The following PARD3B variants were observed in gnomAD, a reference collection of about 807,000 sequenced individuals.
PARD3B encodes partitioning defective 3 homolog B.
In PARD3B, 103 loss-of-function variants were observed where a neutral mutation model predicts 130.2. That is an observed-to-expected ratio of 0.79 (90% CI 0.67 to 0.93). The LOEUF (loss-of-function observed/expected upper bound fraction) is 0.93, where lower values mean the gene tolerates loss of function less well. PARD3B is among the 40% of genes least tolerant of loss of function. PARD3B has a pLI of 0.00. For synonymous variants in PARD3B, 583 were observed against 553.2 expected, an observed-to-expected ratio of 1.05 and a Z score of -0.76; for missense variants, 1,609 against 1,499.2, an observed-to-expected ratio of 1.07 and a Z score of -1.21.
chr2:204,682,902 C>G (rs953687585), intron 1 of PARD3B, among the ~76,000 whole-genome samples: 5 of 152,096 alleles, frequency 3.3e-5, no homozygotes, highest in African/African-American at 4.8e-5. Context: ...TTTTCTAATG[C>G]ATAAGGTAAA....
intron 21 of PARD3B, among the ~76,000 whole-genome samples, chr2:205,516,563 CT>C (rs2050799777): frequency 6.6e-6 from 1 of 152,096 alleles, no homozygotes; most frequent in Admixed American, 6.6e-5. Flanking sequence ...TCTGATTTGG[CT>C]CTCATCTTAG....
chr2:205,072,609 C>CTATGGT (rs1361452635), intron 4 of PARD3B, among the ~76,000 whole-genome samples: 6 of 152,098 alleles, frequency 3.9e-5, no homozygotes, highest in Non-Finnish European at 7.4e-5. Flanking sequence ...TGGTTCACAA[C>CTATGGT]TATGGTACAG....
chr2:204,621,539 A>G (rs1303382092), intron 1 of PARD3B, among the ~76,000 whole-genome samples: 1 of 152,216 alleles, frequency 6.6e-6, no homozygotes, highest in Non-Finnish European at 1.5e-5. Context: ...AAAATATTCT[A>G]ATATATCAGT....
chr2:205,023,959 G>T (rs1033513134), intron 3 of PARD3B, among the ~76,000 whole-genome samples: 1 of 151,938 alleles, frequency 6.6e-6, no homozygotes, highest in Non-Finnish European at 1.5e-5. Context: ...CATATACTAG[G>T]TGTGTGGTGA....
In PARD3B at chr2:204,965,133, T is replaced by C. The variant is rs236844; in HGVS notation, c.223-19T>C. On this transcript the variant is annotated intron_variant, in intron 2 of 22. Transcript: ENST00000406610. ...TGCATGTCCTACAAAGTAATTAGTG[T>C]TGTTGGATTTGTTTGTAGCTGATTG... The C allele has an allele frequency of 2.1e-5, 34 of 1,609,680 alleles. No homozygotes were observed. The African/African-American group carries it at 4.4e-4, about 21-fold the overall frequency.
chr2:204,549,579 TGGG>T (rs2030291561), intron 1 of PARD3B, among the ~76,000 whole-genome samples: 1 of 152,198 alleles, frequency 6.6e-6, no homozygotes, highest in Non-Finnish European at 1.5e-5. Flanking sequence ...GAGTGGGTCC[TGGG>T]CATAGGTATT....
rs183912833 is a variant in PARD3B, at chr2:205,304,506, A to G, written c.2630+2805A>G. ...CAAAATTAGCCGGGCGTGGTGGTGCATGCCTATAATCCCAGCTACTCGGGA... is the reference window on the plus strand; with the variant it reads ...CAAAATTAGCCGGGCGTGGTGGTGCGTGCCTATAATCCCAGCTACTCGGGA... On this transcript the variant is annotated intron_variant, in intron 18 of 22. Transcript: ENST00000406610. 4.2e-3 allele frequency among the ~76,000 whole-genome samples: 640 copies of G among 152,106 alleles called. 3 individuals carry two copies. Among genetic ancestry groups the G allele is most frequent in the South Asian group, 0.022 (107 of 4,814 alleles).
At chr2:205,543,334 C>T (rs2052246449) in intron 21 of PARD3B, among the ~76,000 whole-genome samples, 2 of 152,082 alleles carry the variant, frequency 1.3e-5, no homozygotes, top group Admixed American at 1.3e-4. Flanking sequence ...AGAATATATA[C>T]AAATATTAAT....
At chr2:204,885,349 AG>A (rs2125678682) in intron 2 of PARD3B, among the ~76,000 whole-genome samples, 1 of 152,280 alleles carries the variant, frequency 6.6e-6, no homozygotes, top group African/African-American at 2.4e-5. Flanking sequence ...AATTTGTTTA[AG>A]TTCCTCGTAG....
intron 2 of PARD3B, among the ~76,000 whole-genome samples, chr2:204,743,714 C>T (rs891265828): frequency 5.3e-5 from 8 of 152,006 alleles, no homozygotes; most frequent in African/African-American, 1.9e-4. Context: ...TTTTTCTTTT[C>T]CATGTAACTC....
intron 15 of PARD3B, among the ~76,000 whole-genome samples, chr2:205,203,175 C>T (rs2037083401): frequency 6.6e-6 from 1 of 152,134 alleles, no homozygotes; most frequent in African/African-American, 2.4e-5. Flanking sequence ...CTGCCAGTAA[C>T]AAACCCACGC....
At position 205,036,513 on chromosome 2, in the gene PARD3B, A is replaced by T. The variant is rs941934587; in HGVS notation, c.395-11068A>T. On this transcript the variant is annotated intron_variant, in intron 3 of 22. Coordinates refer to ENST00000406610, the MANE Select transcript of PARD3B (RefSeq NM_001302769.2). ...AACATATAGCAGACTATATATAAAAAATATATATATAGCAGACTATATATA... is the reference window on the plus strand; with the variant it reads ...AACATATAGCAGACTATATATAAAATATATATATATAGCAGACTATATATA... Among the ~76,000 whole-genome samples, 4 of 148,718 alleles carry T rather than the reference A, an allele frequency of 2.7e-5. No individual in the cohort carries two copies. The East Asian group carries it at 7.8e-4, about 29-fold the overall frequency.
At chr2:204,671,401 A>G (rs373672173) in intron 1 of PARD3B, among the ~76,000 whole-genome samples, 3 of 152,060 alleles carry the variant, frequency 2.0e-5, no homozygotes, top group Admixed American at 6.6e-5. Flanking sequence ...AGAATTTGTC[A>G]GGCAGCTTTT....
At chr2:205,179,691 G>A (rs1202974160) in intron 13 of PARD3B, among the ~76,000 whole-genome samples, 1 of 152,146 alleles carries the variant, frequency 6.6e-6, no homozygotes, top group Non-Finnish European at 1.5e-5. Context: ...ATTGCCTAAC[G>A]AAGCTTTTCT....
Position 205,467,578 on chromosome 2 carries a change from T to G in PARD3B, c.3044+26906T>G, listed in dbSNP as rs535504045. On this transcript the variant is annotated intron_variant, in intron 20 of 22. Coordinates refer to ENST00000406610, the MANE Select transcript of PARD3B (RefSeq NM_001302769.2). The stretch of plus-strand genomic sequence containing the variant: ...TTCAAGATTTGTTCACAATAATTAT[T>G]CTAGAGCTATTGTACATTACTTTTT... 2.8e-3 allele frequency among the ~76,000 whole-genome samples: 429 copies of G among 151,940 alleles called. 1 individual carries two copies. The highest frequency in any genetic ancestry group is 4.3e-3 in the Non-Finnish European group (292 of 68,030).
intron 3 of PARD3B, among the ~76,000 whole-genome samples, chr2:205,047,215 C>T (rs913078798): frequency 1.3e-5 from 2 of 152,190 alleles, no homozygotes; most frequent in African/African-American, 4.8e-5. Flanking sequence ...ATTACACTGA[C>T]TGTGTGAATC....
At chr2:205,023,443 T>C (rs897025427) in intron 3 of PARD3B, among the ~76,000 whole-genome samples, 5 of 138,338 alleles carry the variant, frequency 3.6e-5, no homozygotes, top group Non-Finnish European at 6.2e-5. Flanking sequence ...TCTTTCTTCA[T>C]GCCCACACCT....
intron 10 of PARD3B, among the ~76,000 whole-genome samples, chr2:205,149,324 C>T (rs1407661610): frequency 2.0e-5 from 3 of 152,128 alleles, no homozygotes; most frequent in Non-Finnish European, 4.4e-5. Flanking sequence ...GTCATCTCCC[C>T]GCCTCGGCTT....
intron 22 of PARD3B, among the ~76,000 whole-genome samples, chr2:205,613,186 G>T (rs767849165): frequency 1.3e-5 from 2 of 152,186 alleles, no homozygotes; most frequent in Admixed American, 1.3e-4. Context: ...TCCGGAGGGA[G>T]GGCTGGTTGT....
Sources: gnomAD v4.1 joint callset for allele counts (sites outside exome capture counted in the v4.1 genomes callset) on GRCh38, gnomAD v4.1.1 for gene constraint, MANE v1.5 for transcripts, NCBI Gene and HGNC (gene_info 2026-07-23, HGNC 2026-07-21) for gene names.